Variants in CNTLN observed in about 807,000 individuals in gnomAD.
CNTLN encodes centlein, centrosomal protein.
A neutral mutation model predicts 180.0 loss-of-function variants in CNTLN; 212 were observed. The ratio of observed to expected loss-of-function variants is 1.18; its 90% CI spans 1.05 to 1.32. The LOEUF (loss-of-function observed/expected upper bound fraction) is 1.32. Among genes scored for constraint, CNTLN ranks in the 40% most tolerant of loss-of-function variants. The pLI, the probability that CNTLN is intolerant of heterozygous loss-of-function variation, is 0.00. For missense variants in CNTLN, 2,095 were observed against 1,610.9 expected (o/e 1.30, Z -5.14); for synonymous variants, 722 against 563.1 (o/e 1.28, Z -3.99).
At position 17,394,843 on chromosome 9, in the gene CNTLN, A is replaced by G; in HGVS notation, c.2389A>G (p.Lys797Glu). 5 of 1,613,950 alleles carry G rather than the reference A, an allele frequency of 3.1e-6. No homozygotes were observed. The highest frequency in any genetic ancestry group is 3.4e-6 in the Non-Finnish European group (4 of 1,179,934). The change falls in exon 15 of 26, where the codon AAA becomes GAA. Residue 797 changes from lysine to glutamate, a missense_variant. Lys to Glu is a moderately conservative substitution (Grantham distance 56). Coordinates refer to ENST00000380647, the MANE Select transcript of CNTLN (RefSeq NM_017738.4). Reference protein sequence around the residue: ...ENEELINPMEKSHQSADRAKS... With the variant: ...ENEELINPMEESHQSADRAKS... ...TGAAGAGCTGATCAACCCAATGGAG[A>G]AATCACACCAGTCAGCAGACAGAGC... is the stretch of plus-strand genomic sequence containing the variant.
At chr9:17,215,507 A>G (rs1433496424) in intron 2 of CNTLN, among the ~76,000 whole-genome samples, 7 of 152,172 alleles carry the variant, frequency 4.6e-5, no homozygotes, top group Non-Finnish European at 1.0e-4. Context: ...TCAGGGAACC[A>G]CTTGAGGAGG....
intron 5 of CNTLN, among the ~76,000 whole-genome samples, chr9:17,265,453 T>A (rs1461985366): frequency 6.6e-6 from 1 of 152,148 alleles, no homozygotes; most frequent in Non-Finnish European, 1.5e-5. Flanking sequence ...CAGTATTTTA[T>A]TGAGGATTTT....
chr9:17,213,937 C>T (rs566625193), intron 2 of CNTLN, among the ~76,000 whole-genome samples: 5 of 152,156 alleles, frequency 3.3e-5, no homozygotes, highest in East Asian at 1.9e-4. Context: ...TTATTTTGAG[C>T]GTATGTGTGT....
At chr9:17,142,601 CTTA>C in intron 1 of CNTLN, among the ~76,000 whole-genome samples, 1 of 152,080 alleles carries the variant, frequency 6.6e-6, no homozygotes. Context: ...AGAGTTGGTA[CTTA>C]AAATCATGGG....
Position 17,229,467 on chromosome 9 carries a change from G to A in CNTLN, c.534+3180G>A, listed in dbSNP as rs189728020. Among the ~76,000 whole-genome samples, 11 of 152,150 alleles carry A rather than the reference G, an allele frequency of 7.2e-5. No homozygotes were observed. In the East Asian group the frequency reaches 1.4e-3, roughly 19 times the overall value. On this transcript the variant is annotated intron_variant, in intron 3 of 25. Transcript: ENST00000380647. ...GTTTTAAGTAATAGCTCACGCAGTCGTGGGCTGGCAAGTAACTCTGCAGGG... is the reference window on the plus strand; with the variant it reads ...GTTTTAAGTAATAGCTCACGCAGTCATGGGCTGGCAAGTAACTCTGCAGGG...
chr9:17,358,380 CTA>C (rs1489046568), intron 12 of CNTLN, among the ~76,000 whole-genome samples: 11 of 151,974 alleles, frequency 7.2e-5, no homozygotes, highest in African/African-American at 2.4e-4. Flanking sequence ...AGTATATATA[CTA>C]TGATATAATT....
At chr9:17,415,341 A>G (rs996503948) in intron 16 of CNTLN, among the ~76,000 whole-genome samples, 25 of 152,176 alleles carry the variant, frequency 1.6e-4, no homozygotes, top group Non-Finnish European at 2.9e-5. Flanking sequence ...AAAAGGGCCT[A>G]TATTTTCAGA....
rs535469048 is a variant in CNTLN at position 17,299,039 on chromosome 9, C to T, written c.1146+687C>T. 267 of 538,004 alleles carry T rather than the reference C, an allele frequency of 5.0e-4. 7 individuals carry two copies. In the South Asian group the frequency reaches 0.017, roughly 34 times the overall value. 33.3% of individuals were successfully genotyped at this position (538,004 alleles called of 1,614,324 possible). A position where few individuals can be genotyped will look rare whatever the true frequency, so the allele number is the denominator to read the frequency against. On this transcript the variant is annotated intron_variant, in intron 7 of 25. Transcript: ENST00000380647. The stretch of plus-strand genomic sequence containing the variant: ...CGGGCGAATCACAAGGTCAAGAGAT[C>T]GAGACCATCCTGGCCAACATGATGA...
chr9:17,279,545 T>A (rs1191244495), intron 6 of CNTLN, among the ~76,000 whole-genome samples: 1 of 152,168 alleles, frequency 6.6e-6, no homozygotes, highest in Admixed American at 6.5e-5. Flanking sequence ...TATAGTCTGA[T>A]GCTCCAGTTT....
At chr9:17,518,329 G>T in the CNTLN span, among the ~76,000 whole-genome samples, 1 of 152,030 alleles carries the variant, frequency 6.6e-6, no homozygotes, top group Non-Finnish European at 1.5e-5. Context: ...TTACAGGCAT[G>T]AGCCACCGTG....
At chr9:17,433,506 GA>G (rs1176527463) in intron 18 of CNTLN, among the ~76,000 whole-genome samples, 3 of 151,928 alleles carry the variant, frequency 2.0e-5, no homozygotes, top group African/African-American at 7.3e-5. Flanking sequence ...GGCTGGTCTT[GA>G]ACTCCTGACC....
intron 2 of CNTLN, among the ~76,000 whole-genome samples, chr9:17,145,292 G>T (rs1275203769): frequency 6.6e-6 from 1 of 152,138 alleles, no homozygotes; most frequent in Non-Finnish European, 1.5e-5. Flanking sequence ...TTTGGATTTT[G>T]AGTCTATTTT....
intron 2 of CNTLN, among the ~76,000 whole-genome samples, chr9:17,162,393 C>T (rs7029144): frequency 6.6e-6 from 1 of 152,162 alleles, no homozygotes; most frequent in African/African-American, 2.4e-5. Flanking sequence ...GGATTACAGG[C>T]GTGAGCCACC....
intron 2 of CNTLN, among the ~76,000 whole-genome samples, chr9:17,215,720 G>A (rs530715074): frequency 1.3e-5 from 2 of 152,078 alleles, no homozygotes; most frequent in Non-Finnish European, 2.9e-5. Flanking sequence ...CTTCTTGGCC[G>A]CTTTGTTTAC....
intron 25 of CNTLN, among the ~76,000 whole-genome samples, chr9:17,494,620 A>C (rs887395258): frequency 2.0e-5 from 3 of 152,054 alleles, no homozygotes; most frequent in Non-Finnish European, 4.4e-5. Flanking sequence ...GAGAATAGGC[A>C]ATATTTGGTT....
chr9:17,359,744 A>AAAAAAAAAAAAACAAAAAAAG (rs1823191298), intron 12 of CNTLN, among the ~76,000 whole-genome samples: 1 of 50,204 alleles, frequency 2.0e-5, no homozygotes, highest in African/African-American at 5.3e-5. Context: ...AAAAAAAAAA[A>AAAAAAAAAAAAACAAAAAAAG]AAAAAACTAG....
intron 18 of CNTLN, among the ~76,000 whole-genome samples, chr9:17,452,465 G>A (rs1332104391): frequency 6.6e-6 from 1 of 152,166 alleles, no homozygotes; most frequent in Admixed American, 6.5e-5. Context: ...AGGGGAATAC[G>A]GGGAGGGAAA....
At chr9:17,295,142 C>T (rs1817780981) in intron 6 of CNTLN, among the ~76,000 whole-genome samples, 4 of 151,854 alleles carry the variant, frequency 2.6e-5, no homozygotes, top group Admixed American at 2.6e-4. Context: ...CCGCCAAGCC[C>T]ACGCCCACCC....
intron 8 of CNTLN, among the ~76,000 whole-genome samples, chr9:17,330,035 G>T (rs1820541690): frequency 6.6e-6 from 1 of 152,002 alleles, no homozygotes; most frequent in Admixed American, 6.6e-5. Context: ...TTTCCTACAA[G>T]ATTAGTTTTC....
Sources: gnomAD v4.1 joint callset for allele counts (sites outside exome capture counted in the v4.1 genomes callset) on GRCh38, gnomAD v4.1.1 for gene constraint, MANE v1.5 for transcripts, NCBI Gene and HGNC (gene_info 2026-07-23, HGNC 2026-07-21) for gene names.